CFAP300: variants seen among roughly 807,000 people sequenced by gnomAD.
CFAP300 encodes the protein cilia- and flagella-associated protein 300.
A neutral mutation model predicts 33.0 loss-of-function variants in CFAP300; 32 were observed. The ratio of observed to expected loss-of-function variants is 0.97; its 90% CI spans 0.73 to 1.30. The LOEUF (loss-of-function observed/expected upper bound fraction) is 1.30, where lower values mean the gene tolerates loss of function less well. Ranked by LOEUF, CFAP300 falls within the 50% of genes most tolerant of loss-of-function variation. CFAP300 has a pLI of 0.00. For synonymous variants in CFAP300, 102 were observed against 106.8 expected (o/e 0.95, Z 0.28); for missense variants, 356 against 318.1 (o/e 1.12, Z -0.90).
At chr11:102,068,328 T>C (rs532756609) in intron 4 of CFAP300, among the ~76,000 whole-genome samples, 1 of 152,120 alleles carries the variant, frequency 6.6e-6, no homozygotes, top group East Asian at 1.9e-4. Context: ...GAAAGGGAGG[T>C]ATCCAACCAG....
chr11:102,056,743 C>A (rs1942064848), intron 2 of CFAP300, among the ~76,000 whole-genome samples: 1 of 152,052 alleles, frequency 6.6e-6, no homozygotes, highest in Admixed American at 6.6e-5. Context: ...CATTCCTCAG[C>A]CTCCCGGGTA....
chr11:102,074,414 C>T (rs1942366899), intron 4 of CFAP300, among the ~76,000 whole-genome samples: 1 of 152,152 alleles, frequency 6.6e-6, no homozygotes, highest in Non-Finnish European at 1.5e-5. Flanking sequence ...TGGGAAGCCT[C>T]TCCAGACTCC....
In CFAP300 at chr11:102,056,025, T is replaced by C. The variant is rs115183965; in HGVS notation, c.193-2855T>C. On this transcript the variant is annotated intron_variant, in intron 2 of 6. Transcript: ENST00000434758. Reference sequence around the variant, plus strand: ...ATGGTTTTTCCTCAAAATCAATACATAGTCTGTTCAGGGGATGTTTATTTA... The same window carrying C: ...ATGGTTTTTCCTCAAAATCAATACACAGTCTGTTCAGGGGATGTTTATTTA... Among the ~76,000 whole-genome samples the C allele has an allele frequency of 9.4e-3, 1,425 of 152,308 alleles. 26 individuals carry two copies. The highest frequency in any genetic ancestry group is 0.032 in the African/African-American group (1,331 of 41,560).
chr11:102,077,628 G>A (rs1438366747), intron 5 of CFAP300, among the ~76,000 whole-genome samples: 1 of 152,170 alleles, frequency 6.6e-6, no homozygotes, highest in African/African-American at 2.4e-5. Context: ...AGGCTGGAGT[G>A]CAGTGGCGCG....
chr11:102,081,146 G>T (rs1216855518), intron 5 of CFAP300, 69 bp from the exon 6 acceptor site: 3 of 1,096,530 alleles, frequency 2.7e-6, no homozygotes, highest in Non-Finnish European at 2.6e-6. Flanking sequence ...ATACTAAAAG[G>T]GATCATTACT....
rs983323267 is a variant in CFAP300, at chr11:102,048,808, G to T, written c.192+912G>T. 8.0e-5 allele frequency among the ~76,000 whole-genome samples: 12 copies of T among 149,082 alleles called. No homozygotes were observed. The Admixed American group carries it at 8.1e-4, about 10-fold the overall frequency. The stretch of plus-strand genomic sequence containing the variant: ...AATTTAGTCCATTATTTTCAATCCT[G>T]TTTTTTTTTTCTCCTCAATCAAATG... On this transcript the variant is annotated intron_variant, in intron 2 of 6. Transcript: ENST00000434758.
chr11:102,075,229 TC>T (rs1367521215), intron 4 of CFAP300, among the ~76,000 whole-genome samples: 3 of 151,798 alleles, frequency 2.0e-5, no homozygotes, highest in Non-Finnish European at 4.4e-5. Flanking sequence ...GGTCTGTATT[TC>T]CCAATGGCAT....
intron 6 of CFAP300, 117 bp from the exon 7 acceptor site, chr11:102,082,954 G>A (rs1185892219): frequency 1.1e-5 from 4 of 366,504 alleles, no homozygotes; most frequent in South Asian, 1.0e-4. Context: ...CCGAGATCGC[G>A]CCACTGCACT....
intron 5 of CFAP300, among the ~76,000 whole-genome samples, chr11:102,077,731 T>C (rs901189834): frequency 1.3e-5 from 2 of 152,088 alleles, no homozygotes; most frequent in Non-Finnish European, 2.9e-5. Flanking sequence ...CAAGCCACCA[T>C]GCCTGGCTAA....
At chr11:102,076,599 G>A (rs1345596355) in intron 5 of CFAP300, among the ~76,000 whole-genome samples, 1 of 152,132 alleles carries the variant, frequency 6.6e-6, no homozygotes, top group Non-Finnish European at 1.5e-5. Context: ...TAACTGAAAT[G>A]AATGTTCTTT....
chr11:102,066,460 T>A, intron 3 of CFAP300, 25 bp from the exon 4 acceptor site: 1 of 1,528,022 alleles, frequency 6.5e-7, no homozygotes, highest in Non-Finnish European at 8.9e-7. Context: ...TCTATCTCCA[T>A]TCTTTATAAA....
chr11:102,063,190 G>A (rs1942175283), intron 3 of CFAP300, among the ~76,000 whole-genome samples: 1 of 152,222 alleles, frequency 6.6e-6, no homozygotes, highest in African/African-American at 2.4e-5. Flanking sequence ...CACCAGGGTA[G>A]AAGCAAGACT....
chr11:102,079,783 G>C (rs919645396), intron 5 of CFAP300, among the ~76,000 whole-genome samples: 1 of 152,182 alleles, frequency 6.6e-6, no homozygotes, highest in Non-Finnish European at 1.5e-5. Context: ...TTTATAGAGT[G>C]TATAGGTCTG....
intron 3 of CFAP300, among the ~76,000 whole-genome samples, chr11:102,060,418 G>A (rs1249663154): frequency 6.6e-6 from 1 of 151,794 alleles, no homozygotes; most frequent in Non-Finnish European, 1.5e-5. Flanking sequence ...CGCCCAGCTA[G>A]ATTATATTTT....
intron 2 of CFAP300, among the ~76,000 whole-genome samples, chr11:102,055,741 T>C (rs1000161701): frequency 6.0e-5 from 9 of 149,362 alleles, no homozygotes; most frequent in Non-Finnish European, 1.2e-4. Flanking sequence ...GGCACGATCT[T>C]GGCTCACTGC....
At chr11:102,053,534 A>T (rs1312877550) in intron 2 of CFAP300, among the ~76,000 whole-genome samples, 1 of 150,388 alleles carries the variant, frequency 6.6e-6, no homozygotes, top group Non-Finnish European at 1.5e-5. Flanking sequence ...CTGGGCAACA[A>T]GAGCAAAACT....
chr11:102,047,878 G>A lies in CFAP300; in HGVS notation c.174G>A (p.Arg58=), dbSNP rs758922303. Residue 58 remains arginine, a synonymous_variant, in exon 2 of 7, where the codon CGG becomes CGA. Transcript: ENST00000434758. The part of the protein sequence containing the change: ...FGFDQTFQSY[R]KDDFVMAFFK... ...TTGACCAGACCTTTCAGTCCTATCG[G>A]AAGGATGATTTCGTTATGGTTAGTA... is the stretch of plus-strand genomic sequence containing the variant. The A allele has an allele frequency of 1.1e-4, 178 of 1,614,088 alleles. No individual in the cohort carries two copies. The highest frequency in any genetic ancestry group is 4.9e-4 in the Middle Eastern group (3 of 6,080).
chr11:102,065,493 G>A (rs530179742), intron 3 of CFAP300, among the ~76,000 whole-genome samples: 60 of 152,080 alleles, frequency 3.9e-4, no homozygotes, highest in African/African-American at 1.3e-3. Context: ...GTGGCCAGGC[G>A]CGGTTGCTCA....
chr11:102,056,871 C>T (rs1942067188), intron 2 of CFAP300, among the ~76,000 whole-genome samples: 1 of 151,990 alleles, frequency 6.6e-6, no homozygotes, highest in South Asian at 2.1e-4. Context: ...GTGATCCACC[C>T]ACCTTGGCCT....
Sources: gnomAD v4.1 joint callset for allele counts (sites outside exome capture counted in the v4.1 genomes callset) on GRCh38, gnomAD v4.1.1 for gene constraint, MANE v1.5 for transcripts, NCBI Gene and HGNC (gene_info 2026-07-23, HGNC 2026-07-21) for gene names.